DUS1L: variants seen among roughly 807,000 people sequenced by gnomAD.
DUS1L encodes tRNA-dihydrouridine(16/17) synthase [NAD(P)(+)]-like.
A neutral mutation model predicts 61.2 loss-of-function variants in DUS1L; 56 were observed. The ratio of observed to expected loss-of-function variants is 0.92; its 90% confidence interval spans 0.74 to 1.14. The LOEUF is 1.14. DUS1L is among the 50% of genes most tolerant of loss of function. The probability of loss-of-function intolerance (pLI) is 0.00; values close to 1 mark genes in which losing one functional copy is unlikely to be tolerated. For missense variants in DUS1L, 630 were observed against 632.4 expected (o/e 1.00, Z 0.04); for synonymous variants, 278 against 259.5 (o/e 1.07, Z -0.69).
At chr17:82,059,270 T>TA (rs1555659515) in intron 11 of DUS1L, 3 of 188,488 alleles carry the variant, frequency 1.6e-5, no homozygotes, top group South Asian at 1.1e-4. Context: ...AGTGGCCTGG[T>TA]GGGGGGCAGT....
At chr17:82,063,817 G>A (rs571124348) in intron 3 of DUS1L, among the ~76,000 whole-genome samples, 35 of 152,358 alleles carry the variant, frequency 2.3e-4, no homozygotes, top group South Asian at 1.7e-3. Flanking sequence ...CAGGGGCCCG[G>A]TGAGGTAGCA....
At position 82,061,920 on chromosome 17, in the gene DUS1L, C is replaced by T. The variant is rs1327501212; in HGVS notation, c.574G>A (p.Glu192Lys). 4.3e-6 allele frequency: 7 copies of T among 1,610,694 alleles called. No individual in the cohort carries two copies. The highest frequency in any genetic ancestry group is 5.9e-6 in the Non-Finnish European group (7 of 1,178,716). The change falls in exon 6 of 14, where the codon GAG (glutamate) becomes AAG (lysine). Residue 192 changes from glutamate to lysine, a missense_variant. By Grantham distance (56) the Glu-to-Lys change is moderately conservative. Transcript: ENST00000306796. ...ACTCACCGCACAGCCTTGATATGCT[C>T]CCAGGACGCTGCACCCGACAGGGGC... Reference protein sequence around the residue: ...KGPLSGAASWEHIKAVRKAVA... With the variant: ...KGPLSGAASWKHIKAVRKAVA...
intron 12 of DUS1L, 167 bp from the exon 13 acceptor site, chr17:82,058,583 C>T (rs774077853): frequency 1.4e-6 from 2 of 1,456,178 alleles, no homozygotes; most frequent in South Asian, 1.4e-5. Flanking sequence ...CCCCACCCAC[C>T]CAGACTCTCT....
chr17:82,059,006 G>A (rs879760072), intron 11 of DUS1L, 188 bp from the exon 12 acceptor site: 7 of 613,938 alleles, frequency 1.1e-5, no homozygotes, highest in Non-Finnish European at 1.8e-5. Flanking sequence ...TGAGCAATGG[G>A]TGAGGGGATG....
chr17:82,064,201 C>A lies in DUS1L; in HGVS notation c.271G>T (p.Ala91Ser), dbSNP rs1195145466. 2 of 1,612,522 alleles carry A rather than the reference C, an allele frequency of 1.2e-6. No individual in the cohort carries two copies. ...CANDPEVFVQAALLAQDYCDA... is the reference protein window; with the variant it reads ...CANDPEVFVQSALLAQDYCDA... ...CAGTAATCCTGAGCCAGGAGAGCCG[C>A]CTGAACAAACACCTCCGGGTCATTG... The change falls in exon 3 of 14, where the codon GCG becomes TCG. Residue 91 changes from alanine (A) to serine (S), a missense_variant. Coordinates refer to ENST00000306796, the MANE Select transcript of DUS1L (RefSeq NM_022156.5).
At chr17:82,060,201 G>GC in intron 10 of DUS1L, 108 bp from the exon 11 acceptor site, 1 of 1,418,984 alleles carries the variant, frequency 7.0e-7, no homozygotes, top group Non-Finnish European at 9.4e-7. Context: ...CGTGGCGAGT[G>GC]CCGCTGCTGT....
chr17:82,061,546 G>A (rs1169799466), intron 7 of DUS1L, 72 bp downstream of exon 7: 3 of 1,512,018 alleles, frequency 2.0e-6, no homozygotes, highest in South Asian at 1.1e-5. Flanking sequence ...TAGGCAGTGG[G>A]AGGCACCGAC....
In DUS1L at chr17:82,064,227, G is replaced by A; in HGVS notation, c.245C>T (p.Ala82Val). ...CTGAACAAACACCTCCGGGTCATTG[G>A]CACAGAACTGGAGAAGATGCAGGAG... The part of the protein sequence containing the change: ...EDRPLIVQFC[A>V]NDPEVFVQAA... The change falls in exon 3 of 14, where the codon GCC (alanine) becomes GTC (valine). Residue 82 changes from alanine to valine, a missense_variant. By Grantham distance (64) the Ala-to-Val change is moderately conservative. Transcript: ENST00000306796. 6.2e-7 allele frequency: 1 copy of A among 1,611,124 alleles called. No homozygotes were observed. Among genetic ancestry groups the A allele is most frequent in the Non-Finnish European group, 8.5e-7 (1 of 1,179,578 alleles).
chr17:82,065,201 CG>C, intron 1 of DUS1L, 132 bp from the exon 2 acceptor site: 1 of 782,392 alleles, frequency 1.3e-6, no homozygotes. Context: ...GCACTAAAGG[CG>C]GGGGTCGGTG....
chr17:82,057,783 C>G lies in DUS1L; in HGVS notation c.*332G>C, dbSNP rs991447528. 1.6e-5 allele frequency: 4 copies of G among 243,550 alleles called. No individual in the cohort carries two copies. In the Admixed American group the frequency reaches 2.0e-4, roughly 12 times the overall value. The allele number at this position is 243,550 out of a possible 1,614,324, so 15.1% of individuals were successfully genotyped here. A position where few individuals can be genotyped will look rare whatever the true frequency, so the allele number is the denominator to read the frequency against. ...GATGCTGCCTTCATTTAGATGTATC[C>G]TGTTGTTCAGAAGCCCCCACTGGCC... is the stretch of plus-strand genomic sequence containing the variant. On this transcript the variant is annotated 3_prime_UTR_variant, in exon 14 of 14. Coordinates refer to ENST00000306796, the MANE Select transcript of DUS1L (RefSeq NM_022156.5).
Position 82,064,958 on chromosome 17 carries a change from C to G in DUS1L, c.102G>C (p.Leu34=). 1.2e-6 allele frequency: 2 copies of G among 1,612,496 alleles called. No homozygotes were observed. Among genetic ancestry groups the G allele is most frequent in the South Asian group, 2.2e-5 (2 of 91,052 alleles). Residue 34 remains leucine (L), a synonymous_variant, in exon 2 of 14, where the codon CTG becomes CTC. Coordinates refer to ENST00000306796, the MANE Select transcript of DUS1L (RefSeq NM_022156.5). ...MVDQSELAWR[L]LSRRHGAQLC... is the part of the protein sequence containing the mutation. Reference sequence around the variant, plus strand: ...GCTGTGCCCCGTGGCGCCGGCTCAGCAGCCTCCAGGCCAGCTCGCTCTGGT... The same window carrying G: ...GCTGTGCCCCGTGGCGCCGGCTCAGGAGCCTCCAGGCCAGCTCGCTCTGGT...
At chr17:82,061,856 G>A (rs1450340763) in intron 6 of DUS1L, 45 bp downstream of exon 6, 3 of 1,587,504 alleles carry the variant, frequency 1.9e-6, no homozygotes, top group South Asian at 1.1e-5. Flanking sequence ...GGGACCCCCA[G>A]CAAAGCCCCA....
chr17:82,063,168 G>A (rs1226419288), intron 4 of DUS1L, 195 bp from the exon 5 acceptor site: 9 of 637,508 alleles, frequency 1.4e-5, no homozygotes, highest in South Asian at 1.9e-5. Flanking sequence ...CCGGCCCTCC[G>A]AAGTTCAAAC....
chr17:82,064,979 C>G lies in DUS1L; in HGVS notation c.81G>C (p.Gln27His), dbSNP rs2144753265. The change falls in exon 2 of 14, where the codon CAG becomes CAC. Residue 27 changes from glutamine to histidine, a missense_variant. Gln to His is a conservative substitution (Grantham distance 24). Coordinates refer to ENST00000306796, the MANE Select transcript of DUS1L (RefSeq NM_022156.5). ...ARHVVAPMVD[Q>H]SELAWRLLSR... is the part of the protein sequence containing the mutation. ...TCAGCAGCCTCCAGGCCAGCTCGCTCTGGTCCACCATGGGGGCCACGACGT... is the reference window on the plus strand; with the variant it reads ...TCAGCAGCCTCCAGGCCAGCTCGCTGTGGTCCACCATGGGGGCCACGACGT... 6.2e-7 allele frequency: 1 copy of G among 1,612,290 alleles called. No individual in the cohort carries two copies. The highest frequency in any genetic ancestry group is 1.3e-5 in the African/African-American group (1 of 75,060).
intron 10 of DUS1L, 145 bp downstream of exon 10, chr17:82,060,556 C>G: frequency 9.3e-7 from 1 of 1,070,798 alleles, no homozygotes; most frequent in Non-Finnish European, 1.3e-6. Flanking sequence ...CTGCTCGGAG[C>G]CGAGGCCTCC....
chr17:82,064,261 G>T (rs373420979), intron 2 of DUS1L, 27 bp from the exon 3 acceptor site: 1 of 1,595,964 alleles, frequency 6.3e-7, no homozygotes. Context: ...AGTCAGCCAC[G>T]GGCCCAGCCA....
At chr17:82,063,115 G>C in intron 4 of DUS1L, 142 bp from the exon 5 acceptor site, 1 of 724,590 alleles carries the variant, frequency 1.4e-6, no homozygotes, top group Non-Finnish European at 2.3e-6. Flanking sequence ...CACCATCTGG[G>C]TGTCTCCCTC....
At chr17:82,059,767 A>C in intron 11 of DUS1L, 181 bp downstream of exon 11, 8 of 789,026 alleles carry the variant, frequency 1.0e-5, no homozygotes. Flanking sequence ...TGTGGCCTGC[A>C]CAGGGTCCCC....
intron 7 of DUS1L, 33 bp downstream of exon 7, chr17:82,061,584 TG>T: frequency 6.3e-7 from 1 of 1,591,820 alleles, no homozygotes. Context: ...GCCGTGTGCA[TG>T]GGGCCCTGGC....
Sources: allele counts gnomAD v4.1 joint callset (sites outside exome capture counted in the v4.1 genomes callset), GRCh38; gene constraint gnomAD v4.1.1; transcripts MANE v1.5; gene names NCBI Gene and HGNC (gene_info 2026-07-23, HGNC 2026-07-21).